The following KPNA5 variants were observed in gnomAD, a reference collection of about 807,000 sequenced individuals.
KPNA5 encodes the protein importin subunit alpha-6.
A neutral mutation model predicts 71.3 loss-of-function variants in KPNA5; 46 were observed. The observed-to-expected ratio is 0.65, with a 90% CI of 0.51 to 0.83. The LOEUF is 0.83. Ranked by LOEUF, KPNA5 falls within the 40% of genes least tolerant of loss-of-function variation. The probability of loss-of-function intolerance (pLI) is 0.00; values close to 1 mark genes in which losing one functional copy is unlikely to be tolerated. For synonymous variants in KPNA5, 207 were observed against 201.4 expected (o/e 1.03, Z -0.24); for missense variants, 547 against 628.3 (o/e 0.87, Z 1.38).
chr6:116,697,035 A>G (rs908076196), intron 4 of KPNA5, among the ~76,000 whole-genome samples: 5 of 151,976 alleles, frequency 3.3e-5, no homozygotes, highest in African/African-American at 1.2e-4. Context: ...CAACCACAAA[A>G]CCCTATATTT....
chr6:116,739,054 A>G lies in KPNA5; in HGVS notation c.*6731A>G, dbSNP rs1459182606. 3 of 151,860 alleles carry G rather than the reference A, an allele frequency of 2.0e-5. No homozygotes were observed. The highest frequency in any genetic ancestry group is 3.9e-4 in the East Asian group (2 of 5,152). 9.4% of individuals were successfully genotyped at this position (151,860 alleles called of 1,614,324 possible). Reference sequence around the variant, plus strand: ...GGGTATTCAATTAGGAAAAGAGGAAATCAAATTGTCCCTGTTTGCAGATGA... The same window carrying G: ...GGGTATTCAATTAGGAAAAGAGGAAGTCAAATTGTCCCTGTTTGCAGATGA... On this transcript the variant is annotated 3_prime_UTR_variant, in exon 14 of 14. Transcript: ENST00000368564.
At chr6:116,686,153 G>A (rs551662254) in intron 1 of KPNA5, among the ~76,000 whole-genome samples, 1 of 152,048 alleles carries the variant, frequency 6.6e-6, no homozygotes, top group East Asian at 1.9e-4. Flanking sequence ...AATCCTCCTG[G>A]CTCTGCCTCC....
chr6:116,702,295 G>C lies in KPNA5; in HGVS notation c.567+145G>C. 3.8e-6 allele frequency: 3 copies of C among 794,292 alleles called. No homozygotes were observed. The East Asian group carries it at 8.3e-5, about 22-fold the overall frequency. 49.2% of individuals were successfully genotyped at this position (794,292 alleles called of 1,614,324 possible). A position where few individuals can be genotyped will look rare whatever the true frequency, so the allele number is the denominator to read the frequency against. On this transcript the variant is annotated intron_variant, in intron 6 of 13. Coordinates refer to ENST00000368564, the MANE Select transcript of KPNA5 (RefSeq NM_001366306.2). ...GTAGTAGTGTTTTGGTGTTAAGTTA[G>C]AAGGGAGGAAGAATGAACAGTTCCA...
chr6:116,728,558 C>T (rs1303045610), intron 12 of KPNA5, among the ~76,000 whole-genome samples: 2 of 152,112 alleles, frequency 1.3e-5, no homozygotes, highest in Non-Finnish European at 2.9e-5. Context: ...AATCTCTTAA[C>T]TATGAGGCAG....
intron 11 of KPNA5, 32 bp downstream of exon 11, chr6:116,725,908 G>C: frequency 1.3e-6 from 2 of 1,595,668 alleles, no homozygotes; most frequent in Non-Finnish European, 8.5e-7. Context: ...GAGTAGAACA[G>C]CAAGGTCTAA....
At chr6:116,704,657 C>G (rs1212545712) in intron 6 of KPNA5, among the ~76,000 whole-genome samples, 1 of 152,094 alleles carries the variant, frequency 6.6e-6, no homozygotes, top group African/African-American at 2.4e-5. Context: ...TCCTTGCAAC[C>G]TCTGCCTCCT....
intron 8 of KPNA5, among the ~76,000 whole-genome samples, chr6:116,718,044 A>G (rs761629869): frequency 1.3e-5 from 2 of 152,006 alleles, no homozygotes; most frequent in African/African-American, 2.4e-5. Context: ...CTGCCAATTT[A>G]TCACTTTTAA....
chr6:116,694,694 A>G (rs1317954327), intron 4 of KPNA5, among the ~76,000 whole-genome samples: 1 of 152,216 alleles, frequency 6.6e-6, no homozygotes, highest in Non-Finnish European at 1.5e-5. Context: ...AAATGGTATC[A>G]TATCATAGAG....
At chr6:116,694,001 C>G (rs1487818932) in intron 4 of KPNA5, among the ~76,000 whole-genome samples, 1 of 152,180 alleles carries the variant, frequency 6.6e-6, no homozygotes, top group African/African-American at 2.4e-5. Context: ...GGAATCCTTT[C>G]CCCATTTCTT....
chr6:116,716,100 T>C (rs1477107628), intron 7 of KPNA5, 119 bp from the exon 8 acceptor site: 1 of 691,114 alleles, frequency 1.4e-6, no homozygotes. Flanking sequence ...GATTCTTTTT[T>C]CCTATTTTGC....
Position 116,741,501 on chromosome 6 carries a change from G to A in KPNA5, c.*9178G>A, listed in dbSNP as rs1271065456. The A allele has an allele frequency of 1.3e-5, 2 of 152,152 alleles. No individual in the cohort carries two copies. The highest frequency in any genetic ancestry group is 2.4e-5 in the African/African-American group (1 of 41,370). 9.4% of individuals were successfully genotyped at this position (152,152 alleles called of 1,614,324 possible). A position where few individuals can be genotyped will look rare whatever the true frequency, so the allele number is the denominator to read the frequency against. Reference sequence around the variant, plus strand: ...AAAATATTTTCCCTTTGGTCTTTGTGGTAGAAATGACAGACTTTTTCATTG... The same window carrying A: ...AAAATATTTTCCCTTTGGTCTTTGTAGTAGAAATGACAGACTTTTTCATTG... On this transcript the variant is annotated 3_prime_UTR_variant, in exon 14 of 14. Transcript: ENST00000368564.
rs1779524874 is a variant in KPNA5, at chr6:116,732,146, A to G, written c.1443A>G (p.Lys481=). ...ALIEEAYGLD[K]IEFLQSHENQ... is the part of the protein sequence containing the mutation. ...TACTTTGTATAACAGGTCTGGATAA[A>G]ATTGAGTTTTTGCAAAGCCATGAAA... Residue 481 remains lysine, a synonymous_variant, in exon 14 of 14, where the codon AAA becomes AAG. Coordinates refer to ENST00000368564, the MANE Select transcript of KPNA5 (RefSeq NM_001366306.2). The G allele has an allele frequency of 4.2e-6, 6 of 1,430,806 alleles. No homozygotes were observed. The highest frequency in any genetic ancestry group is 4.7e-6 in the Non-Finnish European group (5 of 1,060,338). The allele number at this position is 1,430,806 out of a possible 1,614,324, so 88.6% of individuals were successfully genotyped here.
At chr6:116,706,493 C>T (rs1778440984) in intron 7 of KPNA5, among the ~76,000 whole-genome samples, 1 of 151,756 alleles carries the variant, frequency 6.6e-6, no homozygotes, top group African/African-American at 2.4e-5. Context: ...AGTTCGAGAC[C>T]AGCCTGACCA....
intron 5 of KPNA5, among the ~76,000 whole-genome samples, chr6:116,700,154 G>C (rs1778174639): frequency 6.6e-6 from 1 of 152,126 alleles, no homozygotes; most frequent in Admixed American, 6.6e-5. Flanking sequence ...TAGGTTTAGA[G>C]GATAGCGTGT....
At chr6:116,694,039 A>T (rs1469740871) in intron 4 of KPNA5, among the ~76,000 whole-genome samples, 25 of 152,372 alleles carry the variant, frequency 1.6e-4, no homozygotes, top group African/African-American at 5.5e-4. Flanking sequence ...CAAAGATCAG[A>T]TAGTTGTAGA....
chr6:116,703,162 T>C (rs1160479819), intron 6 of KPNA5, among the ~76,000 whole-genome samples: 1 of 152,166 alleles, frequency 6.6e-6, no homozygotes, highest in East Asian at 1.9e-4. Flanking sequence ...AGCTTATTGG[T>C]GGTGTTAATA....
intron 8 of KPNA5, among the ~76,000 whole-genome samples, chr6:116,718,861 G>C (rs1389207734): frequency 6.6e-6 from 1 of 151,514 alleles, no homozygotes; most frequent in Non-Finnish European, 1.5e-5. Flanking sequence ...TCTGCCTCCC[G>C]GGTTCAAGCA....
At chr6:116,714,401 C>T (rs1284546111) in intron 7 of KPNA5, among the ~76,000 whole-genome samples, 1 of 152,126 alleles carries the variant, frequency 6.6e-6, no homozygotes, top group Admixed American at 6.5e-5. Flanking sequence ...TACAGATTGG[C>T]CCTGCATTGA....
chr6:116,685,554 T>A (rs1485575710), intron 1 of KPNA5, among the ~76,000 whole-genome samples: 2 of 152,246 alleles, frequency 1.3e-5, no homozygotes, highest in Non-Finnish European at 2.9e-5. Context: ...TTTCTTTTCC[T>A]GCATTAGTTT....
Sources: gnomAD v4.1 joint callset for allele counts (sites outside exome capture counted in the v4.1 genomes callset) on GRCh38, gnomAD v4.1.1 for gene constraint, MANE v1.5 for transcripts, NCBI Gene and HGNC (gene_info 2026-07-23, HGNC 2026-07-21) for gene names.